KCNJ2: variants seen among roughly 807,000 people sequenced by gnomAD.
KCNJ2 encodes the protein potassium inwardly rectifying channel subfamily J member 2.
A neutral mutation model predicts 28.4 loss-of-function variants in KCNJ2; 12 were observed. The ratio of observed to expected loss-of-function variants is 0.42; its 90% CI spans 0.27 to 0.68. The LOEUF is 0.68. Among genes scored for constraint, KCNJ2 ranks in the 30% least tolerant of loss-of-function variants. KCNJ2 has a pLI of 0.23. For missense variants in KCNJ2, 320 were observed against 551.3 expected (o/e 0.58, Z 4.20); for synonymous variants, 200 against 203.2 (o/e 0.98, Z 0.13).
intron 1 of KCNJ2, among the ~76,000 whole-genome samples, chr17:70,174,132 C>T (rs1442081080): frequency 6.6e-6 from 1 of 152,186 alleles, no homozygotes; most frequent in Non-Finnish European, 1.5e-5. Context: ...TATTCACCAT[C>T]GTAGGAGGTT....
rs2074407257 is a variant in KCNJ2, at chr17:70,178,255, T to C, written c.*1932T>C. The C allele has an allele frequency of 6.0e-6, 1 of 167,008 alleles. No individual in the cohort carries two copies. The highest frequency in any genetic ancestry group is 1.5e-5 in the Non-Finnish European group (1 of 68,110). 10.3% of individuals were successfully genotyped at this position (167,008 alleles called of 1,614,324 possible). ...TGCCGTGCCTGCAAAACTATGACAA[T>C]TTTTGCTGTTTTCAGCCTTCAGATT... On this transcript the variant is annotated 3_prime_UTR_variant, in exon 2 of 2. Transcript: ENST00000243457.
At position 70,176,363 on chromosome 17, in the gene KCNJ2, G is replaced by A. The variant is rs553864556; in HGVS notation, c.*40G>A. On this transcript the variant is annotated 3_prime_UTR_variant, in exon 2 of 2. Coordinates refer to ENST00000243457, the MANE Select transcript of KCNJ2 (RefSeq NM_000891.3). ...CTCTGGAATAGTTACTTTACAACAC[G>A]GTCTGTTGGTCAGAGGCCCAAAACA... is the stretch of plus-strand genomic sequence containing the variant. 5.1e-6 allele frequency: 8 copies of A among 1,582,490 alleles called. No individual in the cohort carries two copies. Among genetic ancestry groups the A allele is most frequent in the South Asian group, 3.3e-5 (3 of 90,446 alleles).
chr17:70,171,809 TA>T (rs1187166694), intron 1 of KCNJ2, among the ~76,000 whole-genome samples: 2 of 152,380 alleles, frequency 1.3e-5, no homozygotes, highest in East Asian at 3.9e-4. Context: ...ATGGCCTGGA[TA>T]AAAATGATTA....
intron 1 of KCNJ2, 66 bp from the exon 2 acceptor site, chr17:70,174,758 G>A (rs1255385244): frequency 8.0e-6 from 4 of 501,376 alleles, no homozygotes; most frequent in African/African-American, 7.7e-5. Context: ...AGGATATATT[G>A]TCTTAGACAG....
In KCNJ2 at chr17:70,174,923, C is replaced by A; in HGVS notation, c.-117C>A. ...AAGGCTCCCAGAGACACCCATCTCT[C>A]CTCATTTTTTTGGTGTGTGTGTCTT... On this transcript the variant is annotated 5_prime_UTR_variant, in exon 2 of 2. Coordinates refer to ENST00000243457, the MANE Select transcript of KCNJ2 (RefSeq NM_000891.3). The A allele has an allele frequency of 1.0e-6, 1 of 979,300 alleles. No individual in the cohort carries two copies. The highest frequency in any genetic ancestry group is 1.6e-6 in the Non-Finnish European group (1 of 631,828). 60.7% of individuals were successfully genotyped at this position (979,300 alleles called of 1,614,324 possible).
rs772386150 is a variant in KCNJ2 at position 70,177,322 on chromosome 17, G to A, written c.*999G>A. The A allele has an allele frequency of 4.2e-5, 7 of 167,066 alleles. No individual in the cohort carries two copies. The highest frequency in any genetic ancestry group is 7.3e-5 in the Non-Finnish European group (5 of 68,124). 10.3% of individuals were successfully genotyped at this position (167,066 alleles called of 1,614,324 possible). A position where few individuals can be genotyped will look rare whatever the true frequency, so the allele number is the denominator to read the frequency against. Reference sequence around the variant, plus strand: ...TACCGACGTCTATCCTTTCCTGCTAGGCAGTGCTGGCCAGGCTCATGTGTA... The same window carrying A: ...TACCGACGTCTATCCTTTCCTGCTAAGCAGTGCTGGCCAGGCTCATGTGTA... On this transcript the variant is annotated 3_prime_UTR_variant, in exon 2 of 2. Coordinates refer to ENST00000243457, the MANE Select transcript of KCNJ2 (RefSeq NM_000891.3).
intron 1 of KCNJ2, among the ~76,000 whole-genome samples, chr17:70,172,881 G>T (rs1476750907): frequency 6.6e-6 from 1 of 152,102 alleles, no homozygotes; most frequent in Non-Finnish European, 1.5e-5. Flanking sequence ...TGAAATAATT[G>T]CTTAAAAAAT....
chr17:70,176,452 G>A lies in KCNJ2; in HGVS notation c.*129G>A. Reference sequence around the variant, plus strand: ...AAGCGGCCACAAGGGACTGAGGCAAGCACAATGGTTTCAAAGAAAGACTGT... The same window carrying A: ...AAGCGGCCACAAGGGACTGAGGCAAACACAATGGTTTCAAAGAAAGACTGT... On this transcript the variant is annotated 3_prime_UTR_variant, in exon 2 of 2. Coordinates refer to ENST00000243457, the MANE Select transcript of KCNJ2 (RefSeq NM_000891.3). 1.2e-6 allele frequency: 1 copy of A among 804,152 alleles called. No individual in the cohort carries two copies. The highest frequency in any genetic ancestry group is 2.2e-6 in the Non-Finnish European group (1 of 460,916). 49.8% of individuals were successfully genotyped at this position (804,152 alleles called of 1,614,324 possible).
chr17:70,172,349 C>T (rs778270003), intron 1 of KCNJ2, among the ~76,000 whole-genome samples: 1 of 145,450 alleles, frequency 6.9e-6, no homozygotes, highest in Non-Finnish European at 1.5e-5. Flanking sequence ...CCCAAAACTC[C>T]TCTTTTTCTC....
At chr17:70,173,374 TTC>T (rs1223832552) in intron 1 of KCNJ2, among the ~76,000 whole-genome samples, 1 of 152,176 alleles carries the variant, frequency 6.6e-6, no homozygotes, top group Non-Finnish European at 1.5e-5. Context: ...ATCAACAAAT[TTC>T]TGACTCTTTT....
chr17:70,174,634 A>G (rs1017848481), intron 1 of KCNJ2, among the ~76,000 whole-genome samples, 190 bp from the exon 2 acceptor site: 3 of 152,206 alleles, frequency 2.0e-5, no homozygotes, highest in African/African-American at 7.2e-5. Flanking sequence ...ATGTTTAACG[A>G]CTTTATGCTT....
intron 1 of KCNJ2, among the ~76,000 whole-genome samples, chr17:70,171,750 C>T (rs964194629): frequency 1.3e-5 from 2 of 152,144 alleles, no homozygotes; most frequent in African/African-American, 4.8e-5. Context: ...ATGAACAGCA[C>T]CACATGTAAC....
At chr17:70,172,373 A>G (rs1209712543) in intron 1 of KCNJ2, among the ~76,000 whole-genome samples, 1 of 151,608 alleles carries the variant, frequency 6.6e-6, no homozygotes, top group Non-Finnish European at 1.5e-5. Context: ...CCAGGAAGAA[A>G]TGGTAAAATT....
chr17:70,176,041 G>A lies in KCNJ2; in HGVS notation c.1002G>A (p.Lys334=), dbSNP rs372264881. The A allele has an allele frequency of 6.9e-5, 111 of 1,613,986 alleles. No homozygotes were observed. Among genetic ancestry groups the A allele is most frequent in the Non-Finnish European group, 8.7e-5 (103 of 1,180,028 alleles). ...HRYEPVLFEE[K]HYYKVDYSRF... is the part of the protein sequence containing the mutation. ...ATGAGCCTGTGCTCTTTGAAGAGAAGCACTACTACAAAGTGGACTATTCCA... is the reference window on the plus strand; with the variant it reads ...ATGAGCCTGTGCTCTTTGAAGAGAAACACTACTACAAAGTGGACTATTCCA... Residue 334 remains lysine (K), a synonymous_variant, in exon 2 of 2, where the codon AAG becomes AAA. Coordinates refer to ENST00000243457, the MANE Select transcript of KCNJ2 (RefSeq NM_000891.3).
rs1401657394 is a variant in KCNJ2, at chr17:70,175,724, G to T, written c.685G>T (p.Ala229Ser). 1 of 1,614,214 alleles carries T rather than the reference G, an allele frequency of 6.2e-7. No homozygotes were observed. Among genetic ancestry groups the T allele is most frequent in the Non-Finnish European group, 8.5e-7 (1 of 1,180,040 alleles). The change falls in exon 2 of 2, where the codon GCA becomes TCA. Residue 229 changes from alanine (A) to serine (S), a missense_variant. Around this residue, in one of 3 missense-constraint regions of KCNJ2, gnomAD observed 111 missense variants for 256.7 expected, o/e 0.43. Transcript: ENST00000243457. This position sits in a 1 kb window ranked among gnomAD's most constrained non-coding sequence, Gnocchi z 8.3. The stretch of plus-strand genomic sequence containing the variant: ...CCACTTGGTGGAAGCTCATGTTCGA[G>T]CACAGCTCCTCAAATCCAGAATTAC... The part of the protein sequence containing the change: ...KSHLVEAHVR[A>S]QLLKSRITSE...
chr17:70,170,163 G>A (rs1054955080), intron 1 of KCNJ2, among the ~76,000 whole-genome samples: 1 of 146,662 alleles, frequency 6.8e-6, no homozygotes, highest in Non-Finnish European at 1.5e-5. Flanking sequence ...TTGATCCTTG[G>A]CTTTTTTTTT....
intron 1 of KCNJ2, among the ~76,000 whole-genome samples, chr17:70,172,361 T>C (rs1247821933): frequency 6.7e-6 from 1 of 150,244 alleles, no homozygotes; most frequent in Non-Finnish European, 1.5e-5. Flanking sequence ...CTTTTTCTCT[T>C]TCCAGGAAGA....
chr17:70,173,538 TGTTA>T (rs142578454), intron 1 of KCNJ2, among the ~76,000 whole-genome samples: 1,542 of 152,344 alleles, frequency 0.01, 33 homozygotes, highest in African/African-American at 0.034. Flanking sequence ...CTTAGCTTTT[TGTTA>T]GTTAGTCAAG....
intron 1 of KCNJ2, among the ~76,000 whole-genome samples, chr17:70,170,835 G>A (rs536077884): frequency 1.3e-5 from 2 of 152,300 alleles, no homozygotes; most frequent in African/African-American, 4.8e-5. Context: ...TTGAAGCATG[G>A]TGGAAAGGGT....
Sources: allele counts gnomAD v4.1 joint callset (sites outside exome capture counted in the v4.1 genomes callset), GRCh38; gene constraint gnomAD v4.1.1; regional missense constraint gnomAD v4.1.1; non-coding constraint Gnocchi (gnomAD v3.1); transcripts MANE v1.5; gene names NCBI Gene and HGNC (gene_info 2026-07-23, HGNC 2026-07-21).